The following PATJ variants were observed in gnomAD, a reference collection of about 807,000 sequenced individuals.
The protein encoded by PATJ is PATJ crumbs cell polarity complex component, also known as inaD-like protein.
PATJ carries 190 observed loss-of-function variants against 224.9 expected under a neutral mutation model. That is an observed-to-expected ratio of 0.84 (90% CI 0.75 to 0.95). The LOEUF (loss-of-function observed/expected upper bound fraction) is 0.95, where lower values mean the gene tolerates loss of function less well. Ranked by LOEUF, PATJ falls within the 40% of genes least tolerant of loss-of-function variation. PATJ has a pLI of 0.00. For missense variants in PATJ, 2,121 were observed against 2,270.3 expected, an observed-to-expected ratio of 0.93 and a Z score of 1.34; for synonymous variants, 769 against 820.3, an observed-to-expected ratio of 0.94 and a Z score of 1.07.
intron 28 of PATJ, among the ~76,000 whole-genome samples, chr1:61,995,545 C>G (rs943204650): frequency 1.5e-4 from 23 of 152,160 alleles, no homozygotes; most frequent in Admixed American, 6.5e-5. Context: ...GTGACATTTG[C>G]TAGCAGTTTT....
chr1:62,122,245 A>G (rs774959407), intron 38 of PATJ, among the ~76,000 whole-genome samples: 3 of 151,352 alleles, frequency 2.0e-5, no homozygotes, highest in Non-Finnish European at 4.4e-5. Flanking sequence ...CATGCCTATA[A>G]TCCCAGCTAC....
At chr1:61,775,400 AT>A in intron 7 of PATJ, 66 bp downstream of exon 7, 1 of 1,381,296 alleles carries the variant, frequency 7.2e-7, no homozygotes, top group South Asian at 1.3e-5. Flanking sequence ...TTGAAATGTA[AT>A]TTTATAACAT....
chr1:62,047,280 G>A (rs371844614), intron 30 of PATJ, among the ~76,000 whole-genome samples: 33 of 152,082 alleles, frequency 2.2e-4, no homozygotes, highest in East Asian at 2.1e-3. Context: ...TTTTTGAGAC[G>A]GAGTCTCTCT....
chr1:62,117,153 C>T lies in PATJ; in HGVS notation c.4825C>T (p.Leu1609=). The change falls in exon 37 of 44, where the codon CTA becomes TTA. Residue 1609 remains leucine (L), a synonymous_variant. Coordinates refer to ENST00000642238, the MANE Select transcript of PATJ (RefSeq NM_001350145.3). ...CAAGTGTGCACAGGGACTTGTGCAG[C>T]TAGAGATTGGAAGACTCCGAGCTGG... ...ILKCAQGLVQ[L]EIGRLRAGSW... 1 of 1,614,016 alleles carries T rather than the reference C, an allele frequency of 6.2e-7. No homozygotes were observed. The highest frequency in any genetic ancestry group is 8.5e-7 in the Non-Finnish European group (1 of 1,179,980).
chr1:62,069,488 T>C (rs778576256), intron 31 of PATJ, among the ~76,000 whole-genome samples: 1 of 152,220 alleles, frequency 6.6e-6, no homozygotes, highest in Non-Finnish European at 1.5e-5. Flanking sequence ...TTAGCTGTCA[T>C]AATTTTCATC....
At chr1:61,820,605 G>A (rs1341192772) in intron 14 of PATJ, among the ~76,000 whole-genome samples, 1 of 152,220 alleles carries the variant, frequency 6.6e-6, no homozygotes, top group Non-Finnish European at 1.5e-5. Context: ...GCCTCCCAAA[G>A]TGTTGGGATT....
At chr1:61,995,510 G>T (rs1421201127) in intron 28 of PATJ, among the ~76,000 whole-genome samples, 1 of 152,128 alleles carries the variant, frequency 6.6e-6, no homozygotes, top group Non-Finnish European at 1.5e-5. Flanking sequence ...CTCTTTGAGA[G>T]CCCTGTCCAT....
chr1:61,858,906 C>T (rs1039642368), intron 18 of PATJ, among the ~76,000 whole-genome samples: 6 of 152,152 alleles, frequency 3.9e-5, no homozygotes, highest in African/African-American at 1.4e-4. Flanking sequence ...TAAGTAAGTT[C>T]TTGACCTTTT....
intron 27 of PATJ, among the ~76,000 whole-genome samples, chr1:61,932,535 G>A (rs1160882103): frequency 2.6e-5 from 4 of 152,178 alleles, no homozygotes; most frequent in Non-Finnish European, 2.9e-5. Context: ...GAGGAGGCTG[G>A]AGACATGAAA....
At chr1:61,893,483 G>A (rs1234107111) in intron 22 of PATJ, among the ~76,000 whole-genome samples, 3 of 92,026 alleles carry the variant, frequency 3.3e-5, no homozygotes, top group African/African-American at 4.7e-5. Context: ...CTATTTTAGG[G>A]TGTTTTTTTT....
At chr1:62,066,079 C>T (rs1656362432) in intron 31 of PATJ, among the ~76,000 whole-genome samples, 1 of 152,182 alleles carries the variant, frequency 6.6e-6, no homozygotes, top group African/African-American at 2.4e-5. Flanking sequence ...CCAGTTATGT[C>T]CCAGGCTCTG....
chr1:61,978,559 C>G (rs886996149), intron 27 of PATJ, among the ~76,000 whole-genome samples: 1 of 152,040 alleles, frequency 6.6e-6, no homozygotes, highest in Non-Finnish European at 1.5e-5. Flanking sequence ...GCCACTGCGC[C>G]CAGCCTGTGC....
chr1:61,852,119 T>TAAAA lies in PATJ; in HGVS notation c.2113-3892_2113-3889dup, dbSNP rs3030913. Among the ~76,000 whole-genome samples, 59 of 108,900 alleles carry TAAAA rather than the reference T, an allele frequency of 5.4e-4. 1 individual carries two copies. In the South Asian group the frequency reaches 6.2e-3, roughly 11 times the overall value. 71.4% of individuals were successfully genotyped at this position (108,900 alleles called of 152,430 possible). A position where few individuals can be genotyped will look rare whatever the true frequency, so the allele number is the denominator to read the frequency against. On this transcript the variant is annotated intron_variant, in intron 17 of 43. Coordinates refer to ENST00000642238, the MANE Select transcript of PATJ (RefSeq NM_001350145.3). ...TGGGTGACAGAGAGGGATTCTGTCTTAAAAAAAAAAAAAAAAAAAAAAGAG... is the reference window on the plus strand; with the variant it reads ...TGGGTGACAGAGAGGGATTCTGTCTTAAAAAAAAAAAAAAAAAAAAAAAAAAGAG...
intron 17 of PATJ, 63 bp from the exon 18 acceptor site, chr1:61,855,967 T>C: frequency 1.6e-6 from 2 of 1,225,668 alleles, no homozygotes; most frequent in Non-Finnish European, 2.4e-6. Flanking sequence ...ACTCAAGCTG[T>C]CCTAAGGCTG....
At chr1:61,825,270 G>A (rs1030194138) in intron 15 of PATJ, among the ~76,000 whole-genome samples, 1 of 152,162 alleles carries the variant, frequency 6.6e-6, no homozygotes, top group Non-Finnish European at 1.5e-5. Context: ...AAATAGTGGG[G>A]CCACACTTGT....
chr1:61,875,637 A>C (rs1667241782), intron 21 of PATJ: 1 of 255,732 alleles, frequency 3.9e-6, no homozygotes, highest in Admixed American at 5.4e-5. Flanking sequence ...TGAAACTCAG[A>C]CTAGAACCTT....
chr1:62,100,916 C>CT (rs1662078593), intron 33 of PATJ, among the ~76,000 whole-genome samples: 1 of 152,118 alleles, frequency 6.6e-6, no homozygotes, highest in Non-Finnish European at 1.5e-5. Flanking sequence ...GATCAATCAA[C>CT]TTTATCAGGG....
intron 7 of PATJ, among the ~76,000 whole-genome samples, chr1:61,782,477 T>C (rs916019075): frequency 6.6e-6 from 1 of 152,212 alleles, no homozygotes; most frequent in African/African-American, 2.4e-5. Flanking sequence ...TGGGTGCATC[T>C]GACTCCAAAG....
At chr1:61,793,747 G>T (rs1650397977) in intron 9 of PATJ, among the ~76,000 whole-genome samples, 3 of 151,296 alleles carry the variant, frequency 2.0e-5, no homozygotes, top group African/African-American at 2.4e-5. Flanking sequence ...AAAGCCTGGT[G>T]TGTCCAGACT....
Sources: gnomAD v4.1 joint callset for allele counts (sites outside exome capture counted in the v4.1 genomes callset) on GRCh38, gnomAD v4.1.1 for gene constraint, MANE v1.5 for transcripts, NCBI Gene and HGNC (gene_info 2026-07-23, HGNC 2026-07-21) for gene names.